NIBAN3: variants seen among roughly 807,000 people sequenced by gnomAD.
NIBAN3 encodes niban apoptosis regulator 3.
Under a neutral mutation model 76.4 loss-of-function variants are expected in NIBAN3, and 66 were observed. That is an observed-to-expected ratio of 0.86 (90% CI 0.71 to 1.06). The LOEUF (loss-of-function observed/expected upper bound fraction) is 1.06. Among genes scored for constraint, NIBAN3 ranks in the 50% least tolerant of loss-of-function variants. The pLI, the probability that NIBAN3 is intolerant of heterozygous loss-of-function variation, is 0.00. For synonymous variants in NIBAN3, 360 were observed against 355.2 expected (o/e 1.01, Z -0.15); for missense variants, 808 against 810.7 (o/e 1.00, Z 0.04).
intron 7 of NIBAN3, 49 bp downstream of exon 7, chr19:17,539,500 G>A (rs1459370115): frequency 1.4e-6 from 2 of 1,457,528 alleles, no homozygotes; most frequent in Non-Finnish European, 1.8e-6. Context: ...GCGGGCGTTC[G>A]GGTTCCCCTC....
upstream of NIBAN3, chr19:17,523,386 G>A (rs372435389): frequency 1.1e-5 from 16 of 1,521,896 alleles, no homozygotes; most frequent in African/African-American, 1.7e-4. Context: ...AGTGAAGTTT[G>A]CTTCAACGTC....
At chr19:17,548,067 G>A (rs2076092313) in intron 13 of NIBAN3, among the ~76,000 whole-genome samples, 1 of 152,198 alleles carries the variant, frequency 6.6e-6, no homozygotes, top group Admixed American at 6.5e-5. Context: ...CAGACTTGGA[G>A]TTGGCCTCTT....
chr19:17,526,488 T>C (rs1352255902), upstream of NIBAN3, among the ~76,000 whole-genome samples: 1 of 147,022 alleles, frequency 6.8e-6, no homozygotes, highest in Non-Finnish European at 1.5e-5. Context: ...CTACAAAAAA[T>C]ACAAAAATTA....
intron 14 of NIBAN3, 71 bp downstream of exon 14, chr19:17,549,598 G>A (rs1412844222): frequency 1.7e-6 from 2 of 1,175,102 alleles, no homozygotes; most frequent in African/African-American, 3.0e-5. Flanking sequence ...GCCCACATGG[G>A]GTGTATGGGA....
At chr19:17,548,732 C>T (rs1324170086) in intron 13 of NIBAN3, among the ~76,000 whole-genome samples, 1 of 152,124 alleles carries the variant, frequency 6.6e-6, no homozygotes, top group East Asian at 1.9e-4. Flanking sequence ...TTGAGACCAG[C>T]TTGGCCAACA....
chr19:17,539,580 C>A (rs1301465961), intron 7 of NIBAN3, 23 bp from the exon 8 acceptor site: 5 of 1,512,128 alleles, frequency 3.3e-6, no homozygotes, highest in South Asian at 2.5e-5. Flanking sequence ...TCGGCTTTGT[C>A]CCCCCTCGAC....
intron 12 of NIBAN3, chr19:17,543,916 C>T (rs536125527): frequency 3.9e-4 from 85 of 216,878 alleles, no homozygotes; most frequent in African/African-American, 1.9e-3. Context: ...CGCTTGAACC[C>T]GGGAGGGGAA....
chr19:17,534,447 A>G (rs2075787353), intron 4 of NIBAN3, among the ~76,000 whole-genome samples: 1 of 151,952 alleles, frequency 6.6e-6, no homozygotes, highest in African/African-American at 2.4e-5. Context: ...TCAGGAGGAG[A>G]CCTCATGAGG....
chr19:17,526,316 G>T (rs901327611), upstream of NIBAN3, among the ~76,000 whole-genome samples: 6 of 144,620 alleles, frequency 4.1e-5, no homozygotes, highest in South Asian at 4.4e-4. Flanking sequence ...CTGTCCCAAA[G>T]AAAAAAAAAA....
intron 13 of NIBAN3, 119 bp downstream of exon 13, chr19:17,546,916 T>C (rs1464271263): frequency 1.5e-6 from 2 of 1,340,204 alleles, no homozygotes; most frequent in Non-Finnish European, 2.0e-6. Context: ...TGACCTTAAG[T>C]CAGGACTTGG....
chr19:17,538,817 AAGT>A (rs1172094612), intron 5 of NIBAN3, among the ~76,000 whole-genome samples: 4 of 151,954 alleles, frequency 2.6e-5, no homozygotes, highest in Non-Finnish European at 4.4e-5. Context: ...AGAAAGAAAA[AAGT>A]AGGGGAGCAG....
intron 10 of NIBAN3, 85 bp from the exon 11 acceptor site, chr19:17,543,232 G>A: frequency 1.2e-6 from 1 of 847,718 alleles, no homozygotes; most frequent in East Asian, 2.5e-5. Flanking sequence ...CAGGTTGGAT[G>A]CTGAGAAGGG....
chr19:17,531,326 AACACACACACACACAC>A (rs35489460), intron 2 of NIBAN3, among the ~76,000 whole-genome samples: 2,103 of 129,080 alleles, frequency 0.016, 58 homozygotes, highest in African/African-American at 0.051. Context: ...GACTCTGTCA[AACACACACACACACAC>A]ACACACACAC....
chr19:17,539,387 T>G lies in NIBAN3; in HGVS notation c.752T>G (p.Leu251Arg), dbSNP rs765486575. The G allele has an allele frequency of 1.3e-6, 2 of 1,540,916 alleles. No homozygotes were observed. The highest frequency in any genetic ancestry group is 1.4e-5 in the African/African-American group (1 of 73,086). The part of the protein sequence containing the change: ...AVLMREQLPA[L>R]RAQTLPGLRG... ...CTGATGCGGGAGCAACTTCCCGCGC[T>G]GCGAGCCCAGACCCTTCCTGGCCTG... The change falls in exon 7 of 15, where the codon CTG (leucine) becomes CGG (arginine). Residue 251 changes from leucine (L) to arginine (R), a missense_variant. Transcript: ENST00000599164.
chr19:17,549,312 G>A (rs943302305), intron 13 of NIBAN3, 132 bp from the exon 14 acceptor site: 77 of 696,466 alleles, frequency 1.1e-4, no homozygotes, highest in Non-Finnish European at 1.7e-4. Flanking sequence ...TGCGGGCTTG[G>A]AGAGAGGCTC....
At position 17,542,111 on chromosome 19, in the gene NIBAN3, C is replaced by G. The variant is rs750394758; in HGVS notation, c.1171-25C>G. 10 of 1,613,892 alleles carry G rather than the reference C, an allele frequency of 6.2e-6. No individual in the cohort carries two copies. Among genetic ancestry groups the G allele is most frequent in the Non-Finnish European group, 8.5e-6 (10 of 1,179,934 alleles). On this transcript the variant is annotated intron_variant, in intron 9 of 14. Transcript: ENST00000599164. This position sits in a 1 kb window ranked among gnomAD's most constrained non-coding sequence, Gnocchi z 4.8. Reference sequence around the variant, plus strand: ...TGCAATCAGCTGACAGCATTTTTCCCCCAAAACTGCTTCCGGGAGCACAGG... The same window carrying G: ...TGCAATCAGCTGACAGCATTTTTCCGCCAAAACTGCTTCCGGGAGCACAGG...
At chr19:17,536,027 G>T (rs2075818956) in intron 4 of NIBAN3, among the ~76,000 whole-genome samples, 1 of 152,114 alleles carries the variant, frequency 6.6e-6, no homozygotes, top group South Asian at 2.1e-4. Context: ...ATCCCATCTT[G>T]TCACAGATAT....
Position 17,553,029 on chromosome 19 carries a change from T to C in NIBAN3, c.*1131T>C, listed in dbSNP as rs538756716. On this transcript the variant is annotated 3_prime_UTR_variant, in exon 15 of 15. Coordinates refer to ENST00000599164, the MANE Select transcript of NIBAN3 (RefSeq NM_001321827.2). ...ACTCAAGGCTGCAGTGAGTGGTGAT[T>C]GCACCACTGCACTCCAGCCTGGGTG... The C allele has an allele frequency of 5.7e-3, 1,306 of 230,962 alleles. 6 individuals are homozygous for C. The highest frequency in any genetic ancestry group is 7.8e-3 in the Non-Finnish European group (913 of 117,208). 14.3% of individuals were successfully genotyped at this position (230,962 alleles called of 1,614,324 possible).
rs556326086 is a variant in NIBAN3, at chr19:17,533,762, G to A, written c.427+61G>A. The A allele has an allele frequency of 1.1e-5, 14 of 1,286,886 alleles. No homozygotes were observed. In the African/African-American group the frequency reaches 2.0e-4, roughly 19 times the overall value. 79.7% of individuals were successfully genotyped at this position (1,286,886 alleles called of 1,614,324 possible). A position where few individuals can be genotyped will look rare whatever the true frequency, so the allele number is the denominator to read the frequency against. On this transcript the variant is annotated intron_variant, in intron 4 of 14. Transcript: ENST00000599164. ...CACCCCAGCATCATTAACATGTGGG[G>A]CCAGATCATTCTCTGCGGTGGGGGC... is the stretch of plus-strand genomic sequence containing the variant.
Sources: allele counts gnomAD v4.1 joint callset (sites outside exome capture counted in the v4.1 genomes callset), GRCh38; gene constraint gnomAD v4.1.1; non-coding constraint Gnocchi (gnomAD v3.1); transcripts MANE v1.5; gene names NCBI Gene and HGNC (gene_info 2026-07-23, HGNC 2026-07-21).